Variants in TFAP2D observed in about 807,000 individuals in gnomAD.
The protein encoded by TFAP2D is transcription factor AP-2 delta.
Under a neutral mutation model 43.6 loss-of-function variants are expected in TFAP2D, and 9 were observed. That is an observed-to-expected ratio of 0.21 (90% CI 0.12 to 0.36). TFAP2D has a LOEUF of 0.36. Ranked by LOEUF, TFAP2D falls within the 10% of genes least tolerant of loss-of-function variation. TFAP2D has a pLI of 1.00. For synonymous variants in TFAP2D, 256 were observed against 224.9 expected (o/e 1.14, Z -1.24); for missense variants, 513 against 561.4 (o/e 0.91, Z 0.87).
chr6:50,752,229 A>T (rs78601685), intron 7 of TFAP2D, among the ~76,000 whole-genome samples: 4,016 of 152,088 alleles, frequency 0.026, 157 homozygotes, highest in African/African-American at 0.083. Context: ...AATAAAATTT[A>T]AAAAAGAAAT....
chr6:50,757,844 T>C (rs916941092), intron 7 of TFAP2D, among the ~76,000 whole-genome samples: 1 of 134,836 alleles, frequency 7.4e-6, no homozygotes, highest in South Asian at 2.2e-4. Flanking sequence ...TATATAAATA[T>C]ATAAACTTAT....
intron 3 of TFAP2D, among the ~76,000 whole-genome samples, chr6:50,724,365 A>G (rs1360873055): frequency 6.6e-6 from 1 of 152,202 alleles, no homozygotes; most frequent in Non-Finnish European, 1.5e-5. Flanking sequence ...TTGAATTGTA[A>G]ACATCTGTTT....
chr6:50,754,240 C>CTAGT (rs1481201593), intron 7 of TFAP2D, among the ~76,000 whole-genome samples: 1 of 151,852 alleles, frequency 6.6e-6, no homozygotes, highest in South Asian at 2.1e-4. Flanking sequence ...CTTTTTGTAA[C>CTAGT]TGGCTTATTT....
At chr6:50,767,891 T>C (rs953135913) in intron 7 of TFAP2D, among the ~76,000 whole-genome samples, 5 of 152,224 alleles carry the variant, frequency 3.3e-5, no homozygotes, top group South Asian at 2.1e-4. Context: ...CTTTTACAAA[T>C]GTAGCATAGA....
At chr6:50,725,504 T>C (rs1768794748) in intron 3 of TFAP2D, among the ~76,000 whole-genome samples, 1 of 152,232 alleles carries the variant, frequency 6.6e-6, no homozygotes, top group Non-Finnish European at 1.5e-5. Context: ...ACACTGGCTA[T>C]AGAATCAAAG....
intron 6 of TFAP2D, among the ~76,000 whole-genome samples, chr6:50,746,411 T>C (rs537594233): frequency 3.3e-5 from 5 of 152,074 alleles, no homozygotes; most frequent in African/African-American, 1.2e-4. Flanking sequence ...CTGGTTTTTG[T>C]ATTTTTTATA....
intron 7 of TFAP2D, among the ~76,000 whole-genome samples, chr6:50,759,943 TC>T (rs1769339631): frequency 6.6e-6 from 1 of 151,948 alleles, no homozygotes; most frequent in Non-Finnish European, 1.5e-5. Context: ...TAAACATACT[TC>T]CCCAAATTGA....
At chr6:50,749,384 CTAA>C (rs1260216704) in intron 6 of TFAP2D, among the ~76,000 whole-genome samples, 2 of 151,702 alleles carry the variant, frequency 1.3e-5, no homozygotes, top group African/African-American at 2.4e-5. Flanking sequence ...GCCACAATAA[CTAA>C]TGTTTCAATC....
intron 5 of TFAP2D, among the ~76,000 whole-genome samples, chr6:50,736,490 C>T (rs1402627489): frequency 6.6e-6 from 1 of 152,126 alleles, no homozygotes; most frequent in Non-Finnish European, 1.5e-5. Context: ...AAAAACTTAA[C>T]ATTTATCAGT....
chr6:50,737,234 AG>A (rs1270766966), intron 5 of TFAP2D, among the ~76,000 whole-genome samples: 1 of 152,160 alleles, frequency 6.6e-6, no homozygotes, highest in African/African-American at 2.4e-5. Context: ...GGCCTCCCAA[AG>A]GCTAGATTAT....
chr6:50,729,676 T>G (rs551974615), intron 5 of TFAP2D, among the ~76,000 whole-genome samples: 1 of 152,242 alleles, frequency 6.6e-6, no homozygotes, highest in South Asian at 2.1e-4. Flanking sequence ...TGTAATTCAG[T>G]ACAACATGAT....
intron 7 of TFAP2D, among the ~76,000 whole-genome samples, chr6:50,757,507 C>CTATGTATAGAATACATATAATTATTCTA (rs1769293441): frequency 1.8e-5 from 1 of 54,388 alleles, no homozygotes; most frequent in Non-Finnish European, 3.3e-5. Flanking sequence ...TATAATTATT[C>CTATGTATAGAATACATATAATTATTCTA]TATATATAGA....
At chr6:50,771,722 C>T (rs1017877541) in intron 7 of TFAP2D, among the ~76,000 whole-genome samples, 6 of 152,004 alleles carry the variant, frequency 3.9e-5, no homozygotes, top group African/African-American at 1.2e-4. Context: ...CTTAGAATGG[C>T]GATCATTAAA....
intron 6 of TFAP2D, among the ~76,000 whole-genome samples, chr6:50,748,028 A>G (rs1769148724): frequency 6.6e-6 from 1 of 152,052 alleles, no homozygotes; most frequent in Admixed American, 6.6e-5. Context: ...AATAGGAATA[A>G]ACACCTGAAA....
chr6:50,721,383 T>C (rs776372517), intron 3 of TFAP2D, among the ~76,000 whole-genome samples: 7 of 152,182 alleles, frequency 4.6e-5, no homozygotes, highest in Non-Finnish European at 8.8e-5. Context: ...GTTAACCTAG[T>C]TGAGCCTTGG....
At chr6:50,731,880 G>C (rs1036484358) in intron 5 of TFAP2D, among the ~76,000 whole-genome samples, 18 of 152,020 alleles carry the variant, frequency 1.2e-4, no homozygotes, top group African/African-American at 4.1e-4. Context: ...GGTGTATACA[G>C]AATAATAGTA....
At chr6:50,733,721 C>A (rs142087929) in intron 5 of TFAP2D, among the ~76,000 whole-genome samples, 1 of 152,022 alleles carries the variant, frequency 6.6e-6, no homozygotes, top group South Asian at 2.1e-4. Flanking sequence ...ATGACCTTGT[C>A]CTTCCTGCAT....
chr6:50,752,107 T>C (rs1302542908), intron 7 of TFAP2D, among the ~76,000 whole-genome samples: 1 of 151,932 alleles, frequency 6.6e-6, no homozygotes. Flanking sequence ...AATTAGAAAC[T>C]GCAAATGGTT....
chr6:50,714,739 G>T (rs1768585888), intron 1 of TFAP2D, among the ~76,000 whole-genome samples: 1 of 152,116 alleles, frequency 6.6e-6, no homozygotes, highest in East Asian at 1.9e-4. Context: ...TGCTACCCGC[G>T]GCCCCGGAGT....
Sources: allele counts gnomAD v4.1 joint callset (sites outside exome capture counted in the v4.1 genomes callset), GRCh38; gene constraint gnomAD v4.1.1; transcripts MANE v1.5; gene names NCBI Gene and HGNC (gene_info 2026-07-23, HGNC 2026-07-21).